The following EPB41L4A variants were observed in gnomAD, a reference collection of about 807,000 sequenced individuals.
The protein encoded by EPB41L4A is erythrocyte membrane protein band 4.1 like 4A.
In EPB41L4A, 100 loss-of-function variants were observed where a neutral mutation model predicts 108.6. The observed-to-expected ratio is 0.92, with a 90% CI of 0.78 to 1.09. EPB41L4A has a LOEUF of 1.09. EPB41L4A is among the 50% of genes least tolerant of loss of function. EPB41L4A has a pLI of 0.00. For missense variants in EPB41L4A, 1,030 were observed against 842.7 expected (o/e 1.22, Z -2.75); for synonymous variants, 319 against 289.0 (o/e 1.10, Z -1.05).
chr5:112,393,109 A>G (rs1372139482), intron 1 of EPB41L4A, among the ~76,000 whole-genome samples: 2 of 152,258 alleles, frequency 1.3e-5, no homozygotes, highest in Non-Finnish European at 2.9e-5. Flanking sequence ...AGGCAATGTT[A>G]TAGCACTAAA....
intron 1 of EPB41L4A, among the ~76,000 whole-genome samples, chr5:112,399,949 G>T (rs1288689133): frequency 6.6e-6 from 1 of 152,148 alleles, no homozygotes; most frequent in African/African-American, 2.4e-5. Flanking sequence ...ACCAGCCCTA[G>T]ATTACATTTA....
At chr5:112,322,117 G>C (rs1030612481) in intron 1 of EPB41L4A, among the ~76,000 whole-genome samples, 3 of 152,320 alleles carry the variant, frequency 2.0e-5, no homozygotes, top group South Asian at 2.1e-4. Context: ...CCCTGAGTTA[G>C]AGATAAGAAT....
intron 3 of EPB41L4A, among the ~76,000 whole-genome samples, chr5:112,276,719 T>C (rs949129735): frequency 6.6e-6 from 1 of 152,172 alleles, no homozygotes; most frequent in African/African-American, 2.4e-5. Flanking sequence ...GGAAAAGAAA[T>C]TAAAATGAAC....
chr5:112,174,476 T>G (rs969559083), intron 18 of EPB41L4A, among the ~76,000 whole-genome samples: 1 of 152,244 alleles, frequency 6.6e-6, no homozygotes, highest in African/African-American at 2.4e-5. Context: ...ATTAGTCCAG[T>G]ATTTTTCAAA....
At chr5:112,395,803 T>G (rs1761292262) in intron 1 of EPB41L4A, among the ~76,000 whole-genome samples, 1 of 152,234 alleles carries the variant, frequency 6.6e-6, no homozygotes, top group African/African-American at 2.4e-5. Flanking sequence ...CACTTATGTT[T>G]ATTGTGGCAC....
chr5:112,258,594 G>A (rs1751275295), intron 9 of EPB41L4A, among the ~76,000 whole-genome samples: 1 of 152,084 alleles, frequency 6.6e-6, no homozygotes, highest in Non-Finnish European at 1.5e-5. Context: ...AGATCAAAAG[G>A]AAGCTTTCAC....
intron 9 of EPB41L4A, among the ~76,000 whole-genome samples, chr5:112,242,877 CT>C (rs1749902081): frequency 1.3e-5 from 2 of 151,942 alleles, no homozygotes; most frequent in South Asian, 2.1e-4. Context: ...GAAAGGAATC[CT>C]TTTTTTTCTG....
intron 17 of EPB41L4A, among the ~76,000 whole-genome samples, chr5:112,192,450 T>C (rs1761751075): frequency 6.6e-6 from 1 of 152,206 alleles, no homozygotes; most frequent in African/African-American, 2.4e-5. Context: ...GTAGCATAAA[T>C]GATTGTGAAG....
chr5:112,215,482 C>G (rs2114988), intron 12 of EPB41L4A, among the ~76,000 whole-genome samples: 26,637 of 152,012 alleles, frequency 0.18, 3,917 homozygotes, highest in African/African-American at 0.39. Context: ...ACAAAGCTTG[C>G]TCGGGCGCGG....
At chr5:112,419,656 G>A (rs1271211153), upstream of EPB41L4A, 2 of 456,402 alleles carry the variant, frequency 4.4e-6, no homozygotes, top group African/African-American at 2.0e-5. Flanking sequence ...GACCATGGGC[G>A]CAGGGGCAGA....
chr5:112,361,712 ATAATAAT>A (rs746532136), intron 1 of EPB41L4A, among the ~76,000 whole-genome samples: 10 of 144,686 alleles, frequency 6.9e-5, no homozygotes, highest in South Asian at 2.2e-4. Flanking sequence ...CTAAAAAAAA[ATAATAAT>A]AATAATAATA....
intron 1 of EPB41L4A, among the ~76,000 whole-genome samples, chr5:112,385,434 A>T (rs1276822092): frequency 1.3e-5 from 2 of 151,938 alleles, no homozygotes; most frequent in East Asian, 1.9e-4. Flanking sequence ...AGGCCAAGAA[A>T]ATCACAGAAA....
At chr5:112,347,879 A>G (rs558336493) in intron 1 of EPB41L4A, among the ~76,000 whole-genome samples, 2 of 152,210 alleles carry the variant, frequency 1.3e-5, no homozygotes, top group South Asian at 4.2e-4. Context: ...CGACCCCTCC[A>G]ATACACCCAA....
At chr5:112,144,732 T>A (rs1245507670) in intron 13 of EPB41L4A, among the ~76,000 whole-genome samples, 3 of 152,190 alleles carry the variant, frequency 2.0e-5, no homozygotes, top group Non-Finnish European at 4.4e-5. Flanking sequence ...AAAGTAGCAA[T>A]GACATCCCAG....
chr5:112,280,924 G>A (rs1752926307), intron 2 of EPB41L4A, among the ~76,000 whole-genome samples: 1 of 152,104 alleles, frequency 6.6e-6, no homozygotes, highest in South Asian at 2.1e-4. Context: ...CATCCCTACA[G>A]GTATTGCTGC....
rs542165425 is a variant in EPB41L4A at position 112,243,279 on chromosome 5, A to G, written c.796-2469T>C. ...CACACATATATATATGTGTGTGTAT[A>G]TATATATATATATTTTGTTTGTTTG... is the stretch of plus-strand genomic sequence containing the variant. On this transcript the variant is annotated intron_variant, in intron 9 of 22. Transcript: ENST00000261486. Among the ~76,000 whole-genome samples the G allele has an allele frequency of 5.4e-4, 71 of 130,350 alleles. 1 individual carries two copies. Among genetic ancestry groups the G allele is most frequent in the African/African-American group, 1.8e-3 (65 of 36,846 alleles). 85.5% of individuals were successfully genotyped at this position (130,350 alleles called of 152,430 possible). A position where few individuals can be genotyped will look rare whatever the true frequency, so the allele number is the denominator to read the frequency against.
chr5:112,415,652 G>A (rs570388870), intron 1 of EPB41L4A, among the ~76,000 whole-genome samples: 16 of 152,100 alleles, frequency 1.1e-4, no homozygotes, highest in African/African-American at 3.9e-4. Flanking sequence ...TCAGCACAGA[G>A]AACTAGAAAG....
At chr5:112,150,751 A>G (rs760227556) in intron 12 of EPB41L4A, among the ~76,000 whole-genome samples, 27 of 152,254 alleles carry the variant, frequency 1.8e-4, no homozygotes, top group Middle Eastern at 3.2e-3. Context: ...AATGTAAGGC[A>G]TATTCATTTT....
intron 12 of EPB41L4A, among the ~76,000 whole-genome samples, chr5:112,219,734 T>G (rs949370293): frequency 1.3e-5 from 2 of 152,334 alleles, no homozygotes; most frequent in South Asian, 2.1e-4. Flanking sequence ...CTCATTCTGT[T>G]GCCTACGCTG....
Sources: gnomAD v4.1 joint callset for allele counts (sites outside exome capture counted in the v4.1 genomes callset) on GRCh38, gnomAD v4.1.1 for gene constraint, MANE v1.5 for transcripts, NCBI Gene and HGNC (gene_info 2026-07-23, HGNC 2026-07-21) for gene names.